The following FSTL5 variants were observed in gnomAD, a reference collection of about 807,000 sequenced individuals.
FSTL5 encodes the protein follistatin-related protein 5.
Under a neutral mutation model 89.1 loss-of-function variants are expected in FSTL5, and 62 were observed. The ratio of observed to expected loss-of-function variants is 0.70; its 90% CI spans 0.57 to 0.86. The LOEUF (loss-of-function observed/expected upper bound fraction) is 0.86, where lower values mean the gene tolerates loss of function less well. Ranked by LOEUF, FSTL5 falls within the 40% of genes least tolerant of loss-of-function variation. FSTL5 has a pLI of 0.00. For missense variants in FSTL5, 1,057 were observed against 1,001.6 expected (o/e 1.06, Z -0.75); for synonymous variants, 383 against 346.2 (o/e 1.11, Z -1.18).
chr4:161,959,648 G>A (rs917404833), intron 3 of FSTL5, among the ~76,000 whole-genome samples: 1 of 152,118 alleles, frequency 6.6e-6, no homozygotes, highest in Non-Finnish European at 1.5e-5. Flanking sequence ...GTATGTGTGA[G>A]AAGTATTATA....
At chr4:161,640,229 T>G (rs961699159) in intron 7 of FSTL5, among the ~76,000 whole-genome samples, 1 of 152,180 alleles carries the variant, frequency 6.6e-6, no homozygotes, top group African/African-American at 2.4e-5. Context: ...GTTACAGTAT[T>G]AGATTTAACT....
intron 4 of FSTL5, among the ~76,000 whole-genome samples, chr4:161,827,607 T>C (rs571781662): frequency 6.6e-6 from 1 of 152,186 alleles, no homozygotes; most frequent in Non-Finnish European, 1.5e-5. Context: ...GCTCAGACTC[T>C]CCTTGGGCAG....
intron 8 of FSTL5, among the ~76,000 whole-genome samples, chr4:161,562,176 T>A (rs746918875): frequency 6.6e-6 from 1 of 152,026 alleles, no homozygotes; most frequent in Non-Finnish European, 1.5e-5. Flanking sequence ...CTTTCAGTTT[T>A]GTTCTATTGA....
At chr4:162,119,400 T>A (rs1731771843) in intron 1 of FSTL5, among the ~76,000 whole-genome samples, 1 of 152,176 alleles carries the variant, frequency 6.6e-6, no homozygotes, top group African/African-American at 2.4e-5. Flanking sequence ...GTTAAACAAA[T>A]GCTGTAATAA....
intron 6 of FSTL5, among the ~76,000 whole-genome samples, chr4:161,684,631 ATTTG>A (rs1301769905): frequency 2.0e-5 from 3 of 151,462 alleles, no homozygotes; most frequent in African/African-American, 7.3e-5. Flanking sequence ...TTTCTTGTTG[ATTTG>A]TTTGAGTTCC....
Position 161,384,183 on chromosome 4 carries a change from A to G in FSTL5, c.*1564T>C, listed in dbSNP as rs952145805. 6.6e-6 allele frequency: 1 copy of G among 152,208 alleles called. No homozygotes were observed. Among genetic ancestry groups the G allele is most frequent in the Non-Finnish European group, 1.5e-5 (1 of 68,018 alleles). The allele number at this position is 152,208 out of a possible 1,614,324, so 9.4% of individuals were successfully genotyped here. A position where few individuals can be genotyped will look rare whatever the true frequency, so the allele number is the denominator to read the frequency against. On this transcript the variant is annotated 3_prime_UTR_variant, in exon 16 of 16. Transcript: ENST00000306100. ...ACACAGCTCAGGATGCTATATACAC[A>G]TAAGATATTACACACTATAAAATTT...
At chr4:161,820,800 T>C (rs1241091248) in intron 4 of FSTL5, among the ~76,000 whole-genome samples, 1 of 152,258 alleles carries the variant, frequency 6.6e-6, no homozygotes, top group East Asian at 1.9e-4. Flanking sequence ...TACAGAAATA[T>C]GTTTTGGTTT....
intron 6 of FSTL5, among the ~76,000 whole-genome samples, chr4:161,657,779 T>A (rs1303499474): frequency 6.6e-6 from 1 of 151,558 alleles, no homozygotes; most frequent in Admixed American, 6.6e-5. Context: ...ATTAAACATA[T>A]AATTCAACAC....
intron 3 of FSTL5, among the ~76,000 whole-genome samples, chr4:161,974,624 C>G (rs1160924599): frequency 8.1e-6 from 1 of 123,322 alleles, no homozygotes; most frequent in South Asian, 3.1e-4. Context: ...AAGATTTAAA[C>G]GTTAGACCTA....
chr4:161,822,043 T>A (rs1045629804), intron 4 of FSTL5, among the ~76,000 whole-genome samples: 3 of 152,198 alleles, frequency 2.0e-5, no homozygotes, highest in African/African-American at 7.2e-5. Flanking sequence ...TAGTTTACAT[T>A]CCCACCAGCA....
chr4:161,746,082 CATATATAAAT>C (rs1201821684), intron 6 of FSTL5, among the ~76,000 whole-genome samples: 1 of 151,860 alleles, frequency 6.6e-6, no homozygotes, highest in Non-Finnish European at 1.5e-5. Flanking sequence ...TATCCCATCA[CATATATAAAT>C]TATTTTTGCT....
At chr4:161,914,365 C>A (rs1733781743) in intron 4 of FSTL5, among the ~76,000 whole-genome samples, 1 of 152,016 alleles carries the variant, frequency 6.6e-6, no homozygotes, top group Non-Finnish European at 1.5e-5. Context: ...AAAGTTAATT[C>A]TTATATATAT....
chr4:162,058,934 A>G (rs1738639040), intron 2 of FSTL5, among the ~76,000 whole-genome samples: 1 of 152,176 alleles, frequency 6.6e-6, no homozygotes, highest in Non-Finnish European at 1.5e-5. Context: ...ACAATGGCAT[A>G]ATTGTATTGA....
At chr4:161,964,442 T>TA (rs1735267877) in intron 3 of FSTL5, among the ~76,000 whole-genome samples, 2 of 152,046 alleles carry the variant, frequency 1.3e-5, no homozygotes, top group African/African-American at 4.8e-5. Context: ...AATCACATAG[T>TA]GCAATGAGGC....
intron 4 of FSTL5, among the ~76,000 whole-genome samples, chr4:161,838,301 T>C (rs1384826216): frequency 6.6e-6 from 1 of 152,186 alleles, no homozygotes; most frequent in Non-Finnish European, 1.5e-5. Context: ...GTTTAACATA[T>C]TAAAATGTTT....
chr4:162,023,156 G>A (rs6816728), intron 3 of FSTL5, among the ~76,000 whole-genome samples: 14,890 of 152,004 alleles, frequency 0.098, 837 homozygotes, highest in Non-Finnish European at 0.13. Flanking sequence ...GGTGATTTTC[G>A]TTACTTTCCG....
At chr4:161,703,451 T>C (rs1738470849) in intron 6 of FSTL5, among the ~76,000 whole-genome samples, 1 of 152,138 alleles carries the variant, frequency 6.6e-6, no homozygotes, top group Non-Finnish European at 1.5e-5. Flanking sequence ...TGATGAGCTT[T>C]CTCATCCAAT....
At position 161,510,391 on chromosome 4, in the gene FSTL5, T is replaced by A. The variant is rs1318119524; in HGVS notation, c.1339+7A>T. 2 of 1,525,078 alleles carry A rather than the reference T, an allele frequency of 1.3e-6. No individual in the cohort carries two copies. Among genetic ancestry groups the A allele is most frequent in the Non-Finnish European group, 1.8e-6 (2 of 1,133,130 alleles). The allele number at this position is 1,525,078 out of a possible 1,614,324, so 94.5% of individuals were successfully genotyped here. A position where few individuals can be genotyped will look rare whatever the true frequency, so the allele number is the denominator to read the frequency against. ...TGTCACAACATAAAAATAATTCAAC[T>A]TAGTACCTTCTTCTCTCCATAATAT... On this transcript the variant is annotated splice_region_variant and intron_variant, in intron 11 of 15. Transcript: ENST00000306100.
At chr4:161,393,970 A>C (rs1389497913) in intron 15 of FSTL5, among the ~76,000 whole-genome samples, 1 of 152,140 alleles carries the variant, frequency 6.6e-6, no homozygotes, top group Admixed American at 6.6e-5. Flanking sequence ...AGCAGTGGCA[A>C]GTGTATCTGG....
Sources: allele counts gnomAD v4.1 joint callset (sites outside exome capture counted in the v4.1 genomes callset), GRCh38; gene constraint gnomAD v4.1.1; transcripts MANE v1.5; gene names NCBI Gene and HGNC (gene_info 2026-07-23, HGNC 2026-07-21).